Variants in COG6 observed in about 807,000 individuals in gnomAD.
The protein encoded by COG6 is conserved oligomeric Golgi complex subunit 6.
A neutral mutation model predicts 88.8 loss-of-function variants in COG6; 74 were observed. The observed-to-expected ratio is 0.83, with a 90% confidence interval of 0.69 to 1.01. The LOEUF is 1.01. COG6 is among the 50% of genes least tolerant of loss of function. The probability of loss-of-function intolerance (pLI) is 0.00; values close to 1 mark genes in which losing one functional copy is unlikely to be tolerated. For missense variants in COG6, 800 were observed against 797.9 expected (o/e 1.00, Z -0.03); for synonymous variants, 286 against 278.7 (o/e 1.03, Z -0.26).
chr13:39,764,824 G>A (rs996833999), intron 18 of COG6, among the ~76,000 whole-genome samples: 3 of 152,032 alleles, frequency 2.0e-5, no homozygotes, highest in Non-Finnish European at 2.9e-5. Flanking sequence ...ATTTAGAAAT[G>A]TTTTCTGTAG....
intron 18 of COG6, among the ~76,000 whole-genome samples, chr13:39,743,753 T>C (rs867677573): frequency 6.6e-6 from 1 of 152,188 alleles, no homozygotes; most frequent in African/African-American, 2.4e-5. Context: ...ACTCATGTTA[T>C]GAGGCCAGCA....
Position 39,723,317 on chromosome 13 carries a change from T to G in COG6, c.1585-16T>G, listed in dbSNP as rs759245943. 8 of 1,497,940 alleles carry G rather than the reference T, an allele frequency of 5.3e-6. No individual in the cohort carries two copies. The South Asian group carries it at 7.9e-5, about 15-fold the overall frequency. The allele number at this position is 1,497,940 out of a possible 1,614,324, so 92.8% of individuals were successfully genotyped here. On this transcript the variant is annotated splice_polypyrimidine_tract_variant and intron_variant, in intron 15 of 18. Transcript: ENST00000455146. ...TCATTCTTCTTTTAAAATGTTTTCT[T>G]TGTGTTTTATTTTAGATCGAAGCAC...
rs58617808 is a variant in COG6 at position 39,719,994 on chromosome 13, AACACAC to A, written c.1584+195_1584+200del. ...ATATACACAACACACGCACATACAC[AACACAC>A]ACACACACACACACACACACACACA... On this transcript the variant is annotated intron_variant, in intron 15 of 18. Coordinates refer to ENST00000455146, the MANE Select transcript of COG6 (RefSeq NM_020751.3). Among the ~76,000 whole-genome samples, 38,696 of 147,774 alleles carry A rather than the reference AACACAC, an allele frequency of 0.26. 4,949 individuals carry two copies. The highest frequency in any genetic ancestry group is 0.33 in the African/African-American group (13,182 of 40,256).
chr13:39,706,162 A>G (rs1002358509), intron 13 of COG6, among the ~76,000 whole-genome samples: 36 of 144,806 alleles, frequency 2.5e-4, no homozygotes, highest in African/African-American at 9.1e-4. Flanking sequence ...AAAGGAATGT[A>G]TATATTTATA....
intron 14 of COG6, 104 bp downstream of exon 14, chr13:39,719,471 T>A: frequency 8.0e-7 from 1 of 1,244,194 alleles, no homozygotes; most frequent in East Asian, 2.5e-5. Flanking sequence ...AGTCTCTTTC[T>A]TACTGTTAAT....
chr13:39,727,257 G>A (rs1047178628), intron 17 of COG6, among the ~76,000 whole-genome samples: 2 of 152,018 alleles, frequency 1.3e-5, no homozygotes, highest in African/African-American at 4.8e-5. Context: ...TTGAAAGTAA[G>A]TATTGCTAAT....
intron 13 of COG6, among the ~76,000 whole-genome samples, chr13:39,706,421 A>G (rs1370029308): frequency 6.6e-6 from 1 of 151,392 alleles, no homozygotes; most frequent in Non-Finnish European, 1.5e-5. Context: ...TAGGACCTTA[A>G]ATGGAAGATA....
At chr13:39,745,183 A>G (rs1392997714) in intron 18 of COG6, among the ~76,000 whole-genome samples, 2 of 152,228 alleles carry the variant, frequency 1.3e-5, no homozygotes, top group Non-Finnish European at 2.9e-5. Flanking sequence ...AGGCATGGGC[A>G]AGGACTTCAT....
At chr13:39,719,608 G>A in intron 14 of COG6, 52 bp from the exon 15 acceptor site, 1 of 1,515,602 alleles carries the variant, frequency 6.6e-7, no homozygotes, top group Non-Finnish European at 9.1e-7. Flanking sequence ...ATTAACCCAA[G>A]ACCCTATCAG....
rs776449830 is a variant in COG6 at position 39,728,091 on chromosome 13, G to A, written c.1826+543G>A. Among the ~76,000 whole-genome samples the A allele has an allele frequency of 5.3e-4, 80 of 152,114 alleles. 1 individual carries two copies. Among genetic ancestry groups the A allele is most frequent in the Non-Finnish European group, 7.1e-4 (48 of 67,958 alleles). On this transcript the variant is annotated intron_variant, in intron 18 of 18. Coordinates refer to ENST00000455146, the MANE Select transcript of COG6 (RefSeq NM_020751.3). ...TTTTAAGAAAAATATTGGCAAAATT[G>A]TCTATAGGTAAGAAATTAGGCAACA...
At chr13:39,756,254 A>T (rs1880830553), downstream of COG6, among the ~76,000 whole-genome samples, 1 of 152,174 alleles carries the variant, frequency 6.6e-6, no homozygotes, top group Admixed American at 6.5e-5. Context: ...AGAATAAATA[A>T]TACACTATAG....
Position 39,665,166 on chromosome 13 carries a change from T to G in COG6, c.428+12T>G. The G allele has an allele frequency of 7.1e-7, 1 of 1,400,308 alleles. No homozygotes were observed. The allele number at this position is 1,400,308 out of a possible 1,614,324, so 86.7% of individuals were successfully genotyped here. A position where few individuals can be genotyped will look rare whatever the true frequency, so the allele number is the denominator to read the frequency against. The stretch of plus-strand genomic sequence containing the variant: ...CTTCAATCTGAAAGGTAAGTTTTTC[T>G]TCATACAACCACCTTTTCAATAATT... On this transcript the variant is annotated intron_variant, in intron 4 of 18. Transcript: ENST00000455146.
chr13:39,763,564 T>C (rs1035229055), intron 18 of COG6, among the ~76,000 whole-genome samples: 2 of 151,810 alleles, frequency 1.3e-5, no homozygotes, highest in African/African-American at 2.4e-5. Context: ...TATCAATTTT[T>C]TTTCTGTATC....
chr13:39,754,345 G>A (rs955550458), downstream of COG6, among the ~76,000 whole-genome samples: 1 of 152,082 alleles, frequency 6.6e-6, no homozygotes, highest in Non-Finnish European at 1.5e-5. Context: ...TGGTTTTCAA[G>A]TACATAATGT....
At chr13:39,694,767 T>C (rs1301876843) in intron 12 of COG6, 42 bp downstream of exon 12, 2 of 1,085,558 alleles carry the variant, frequency 1.8e-6, no homozygotes, top group East Asian at 4.8e-5. Context: ...TCCAATGTGA[T>C]ATTTCTTTCA....
At position 39,723,186 on chromosome 13, in the gene COG6, T is replaced by C. The variant is rs530318511; in HGVS notation, c.1585-147T>C. Reference sequence around the variant, plus strand: ...AAAGTAAGACTTTTTCCCCCTTTCATAGAAAGACTTACTGTTTGGGGGAAG... The same window carrying C: ...AAAGTAAGACTTTTTCCCCCTTTCACAGAAAGACTTACTGTTTGGGGGAAG... On this transcript the variant is annotated intron_variant, in intron 15 of 18. Transcript: ENST00000455146. 39 of 629,306 alleles carry C rather than the reference T, an allele frequency of 6.2e-5. 1 individual carries two copies. Among genetic ancestry groups the C allele is most frequent in the South Asian group, 5.8e-4 (33 of 56,440 alleles). 39.0% of individuals were successfully genotyped at this position (629,306 alleles called of 1,614,324 possible). A position where few individuals can be genotyped will look rare whatever the true frequency, so the allele number is the denominator to read the frequency against.
chr13:39,727,568 A>G lies in COG6; in HGVS notation c.1826+20A>G. 4 of 1,544,850 alleles carry G rather than the reference A, an allele frequency of 2.6e-6. No individual in the cohort carries two copies. Among genetic ancestry groups the G allele is most frequent in the Non-Finnish European group, 3.6e-6 (4 of 1,116,904 alleles). On this transcript the variant is annotated intron_variant, in intron 18 of 18. Coordinates refer to ENST00000455146, the MANE Select transcript of COG6 (RefSeq NM_020751.3). Reference sequence around the variant, plus strand: ...AGTGAAGTAAGTATTTTTGGTCCCAAGTAGTTGGTAAAGATTCACATATTT... The same window carrying G: ...AGTGAAGTAAGTATTTTTGGTCCCAGGTAGTTGGTAAAGATTCACATATTT...
chr13:39,748,680 C>A (rs1267281505), intron 18 of COG6, among the ~76,000 whole-genome samples: 1 of 151,976 alleles, frequency 6.6e-6, no homozygotes, highest in African/African-American at 2.4e-5. Context: ...CCAGTTTCTA[C>A]CATCATCCCT....
At chr13:39,663,389 T>C (rs1274230533) in intron 3 of COG6, among the ~76,000 whole-genome samples, 2 of 152,204 alleles carry the variant, frequency 1.3e-5, no homozygotes, top group Non-Finnish European at 2.9e-5. Context: ...GATGTTGATT[T>C]TGTGAAGCAT....
Sources: gnomAD v4.1 joint callset for allele counts (sites outside exome capture counted in the v4.1 genomes callset) on GRCh38, gnomAD v4.1.1 for gene constraint, MANE v1.5 for transcripts, NCBI Gene and HGNC (gene_info 2026-07-23, HGNC 2026-07-21) for gene names.